Variants in TNKS observed in about 807,000 individuals in gnomAD.
The protein encoded by TNKS is poly [ADP-ribose] polymerase tankyrase-1.
Under a neutral mutation model 135.8 loss-of-function variants are expected in TNKS, and 72 were observed. That is an observed-to-expected ratio of 0.53 (90% confidence interval 0.44 to 0.64). The LOEUF (loss-of-function observed/expected upper bound fraction) is 0.64, where lower values mean the gene tolerates loss of function less well. TNKS is among the 30% of genes least tolerant of loss of function. The pLI is 0.00. For missense variants in TNKS, 1,769 were observed against 1,674.0 expected, an observed-to-expected ratio of 1.06 and a Z score of -0.99; for synonymous variants, 849 against 649.3, an observed-to-expected ratio of 1.31 and a Z score of -4.68.
chr8:9,710,279 A>T, intron 11 of TNKS, 59 bp downstream of exon 11: 4 of 1,488,182 alleles, frequency 2.7e-6, no homozygotes, highest in Non-Finnish European at 3.8e-6. Context: ...GCTGCTCTTA[A>T]CACTGCTTCT....
intron 2 of TNKS, among the ~76,000 whole-genome samples, chr8:9,602,129 A>G (rs112684148): frequency 0.024 from 3,617 of 152,248 alleles, 47 homozygotes; most frequent in Non-Finnish European, 0.035. Flanking sequence ...TGTTAAACAT[A>G]ACACACAGGA....
chr8:9,751,570 T>G (rs1473462828), intron 18 of TNKS, 39 bp from the exon 19 acceptor site: 2 of 1,560,410 alleles, frequency 1.3e-6, no homozygotes, highest in African/African-American at 1.4e-5. Context: ...TTTTAATATA[T>G]AGTATTTTCA....
Position 9,706,273 on chromosome 8 carries a change from T to C in TNKS, c.1269+20T>C, listed in dbSNP as rs780467933. 1 of 1,512,864 alleles carries C rather than the reference T, an allele frequency of 6.6e-7. No individual in the cohort carries two copies. The highest frequency in any genetic ancestry group is 1.3e-5 in the South Asian group (1 of 74,588). The allele number at this position is 1,512,864 out of a possible 1,614,324, so 93.7% of individuals were successfully genotyped here. A position where few individuals can be genotyped will look rare whatever the true frequency, so the allele number is the denominator to read the frequency against. ...CTAAAGGTAAGAGAAATTCAGAATATTGAGCATCATTTACTTTTTTTTTTT... is the reference window on the plus strand; with the variant it reads ...CTAAAGGTAAGAGAAATTCAGAATACTGAGCATCATTTACTTTTTTTTTTT... On this transcript the variant is annotated intron_variant, in intron 7 of 26. Coordinates refer to ENST00000310430, the MANE Select transcript of TNKS (RefSeq NM_003747.3).
intron 3 of TNKS, among the ~76,000 whole-genome samples, chr8:9,638,797 A>G (rs1237206078): frequency 2.6e-5 from 4 of 152,314 alleles, no homozygotes; most frequent in Middle Eastern, 3.4e-3. Flanking sequence ...GGAGACTGGT[A>G]TCTTATTTAT....
At chr8:9,670,494 T>C (rs974791004) in intron 3 of TNKS, among the ~76,000 whole-genome samples, 3 of 152,240 alleles carry the variant, frequency 2.0e-5, no homozygotes, top group African/African-American at 7.2e-5. Flanking sequence ...TATTGTGTAG[T>C]TTCTTCTTAT....
chr8:9,612,105 C>A (rs935540521), intron 2 of TNKS, among the ~76,000 whole-genome samples: 1 of 152,052 alleles, frequency 6.6e-6, no homozygotes. Context: ...TCAAGTTTAG[C>A]CCCTTTATTT....
chr8:9,636,074 C>T (rs1033948042), intron 3 of TNKS, among the ~76,000 whole-genome samples: 6 of 152,164 alleles, frequency 3.9e-5, no homozygotes, highest in South Asian at 2.1e-4. Context: ...AAGTACTAAA[C>T]GCAAGGAGAA....
At chr8:9,594,447 G>GT (rs1206656916) in intron 2 of TNKS, among the ~76,000 whole-genome samples, 3 of 152,112 alleles carry the variant, frequency 2.0e-5, no homozygotes, top group Non-Finnish European at 4.4e-5. Context: ...CTTAATGACC[G>GT]TATCTGGCTA....
intron 1 of TNKS, among the ~76,000 whole-genome samples, chr8:9,571,207 C>T (rs1255980081): frequency 6.6e-6 from 1 of 152,110 alleles, no homozygotes; most frequent in Non-Finnish European, 1.5e-5. Flanking sequence ...TTTCAAGAAT[C>T]CTTGTAGCCT....
intron 26 of TNKS, among the ~76,000 whole-genome samples, chr8:9,774,123 A>G (rs1226630688): frequency 1.3e-5 from 2 of 152,212 alleles, no homozygotes; most frequent in African/African-American, 4.8e-5. Context: ...ATTATTACAT[A>G]TGATTGGACT....
At chr8:9,562,230 C>T (rs981490850) in intron 1 of TNKS, among the ~76,000 whole-genome samples, 3 of 151,980 alleles carry the variant, frequency 2.0e-5, no homozygotes, top group Non-Finnish European at 2.9e-5. Flanking sequence ...TTTATATATT[C>T]TGCATACTAG....
At chr8:9,721,739 C>A (rs13268319) in intron 12 of TNKS, among the ~76,000 whole-genome samples, 89,434 of 151,744 alleles carry the variant, frequency 0.59, 26,675 homozygotes, top group Middle Eastern at 0.71. Flanking sequence ...GTATAGGTAC[C>A]TTTCCAAAAA....
intron 3 of TNKS, among the ~76,000 whole-genome samples, chr8:9,623,443 T>C (rs1799941126): frequency 6.6e-6 from 1 of 152,124 alleles, no homozygotes; most frequent in Non-Finnish European, 1.5e-5. Flanking sequence ...ACTTTTTTTT[T>C]TTTTTTTTGG....
intron 3 of TNKS, among the ~76,000 whole-genome samples, chr8:9,618,369 C>G (rs1028839102): frequency 9.9e-5 from 15 of 152,174 alleles, no homozygotes; most frequent in African/African-American, 3.4e-4. Flanking sequence ...GACCCTAGCA[C>G]ATGGCCATTG....
intron 1 of TNKS, among the ~76,000 whole-genome samples, chr8:9,576,078 A>G (rs1353045029): frequency 6.6e-6 from 1 of 152,192 alleles, no homozygotes; most frequent in Non-Finnish European, 1.5e-5. Flanking sequence ...AGATTTTCCC[A>G]TCTGTCCTCA....
Position 9,619,472 on chromosome 8 carries a change from T to C in TNKS, c.994+3795T>C, listed in dbSNP as rs937788556. On this transcript the variant is annotated intron_variant, in intron 3 of 26. Coordinates refer to ENST00000310430, the MANE Select transcript of TNKS (RefSeq NM_003747.3). ...TTGTCGTTGTCAGGACCAAGGATGA[T>C]GGGGATGTAAAGTGAGTGAGTTTAG... Among the ~76,000 whole-genome samples, 36 of 152,092 alleles carry C rather than the reference T, an allele frequency of 2.4e-4. 1 individual carries two copies. Among genetic ancestry groups the C allele is most frequent in the African/African-American group, 8.4e-4 (35 of 41,426 alleles).
At chr8:9,603,177 C>T (rs902949001) in intron 2 of TNKS, among the ~76,000 whole-genome samples, 6 of 152,058 alleles carry the variant, frequency 3.9e-5, no homozygotes, top group Non-Finnish European at 8.8e-5. Context: ...CTCAGGCTCC[C>T]AAGTAGCTGG....
At chr8:9,667,924 G>T (rs1802077813) in intron 3 of TNKS, among the ~76,000 whole-genome samples, 1 of 150,406 alleles carries the variant, frequency 6.6e-6, no homozygotes, top group South Asian at 2.1e-4. Context: ...AAATATACAG[G>T]CACTGTTTAC....
intron 25 of TNKS, among the ~76,000 whole-genome samples, chr8:9,769,532 T>G (rs750022238): frequency 5.3e-5 from 8 of 151,510 alleles, no homozygotes; most frequent in Admixed American, 2.0e-4. Flanking sequence ...ACTTTCCACC[T>G]ACCCATCCAT....
Sources: allele counts gnomAD v4.1 joint callset (sites outside exome capture counted in the v4.1 genomes callset), GRCh38; gene constraint gnomAD v4.1.1; transcripts MANE v1.5; gene names NCBI Gene and HGNC (gene_info 2026-07-23, HGNC 2026-07-21).